The following CPXM2 variants were observed in gnomAD, a reference collection of about 807,000 sequenced individuals.
CPXM2 encodes inactive carboxypeptidase-like protein X2.
In CPXM2, 66 loss-of-function variants were observed where a neutral mutation model predicts 86.1. The ratio of observed to expected loss-of-function variants is 0.77; its 90% CI spans 0.63 to 0.94. CPXM2 has a LOEUF of 0.94. Among genes scored for constraint, CPXM2 ranks in the 40% least tolerant of loss-of-function variants. The pLI is 0.00. For synonymous variants in CPXM2, 388 were observed against 400.2 expected (o/e 0.97, Z 0.36); for missense variants, 948 against 1,026.3 (o/e 0.92, Z 1.04).
intron 13 of CPXM2, among the ~76,000 whole-genome samples, chr10:123,749,420 C>G (rs1442748367): frequency 1.3e-5 from 2 of 152,140 alleles, no homozygotes; most frequent in Non-Finnish European, 2.9e-5. Context: ...TCCCCTTATC[C>G]CTGCAAAAGC....
At chr10:123,797,427 C>G (rs959954710) in intron 6 of CPXM2, among the ~76,000 whole-genome samples, 13 of 152,140 alleles carry the variant, frequency 8.5e-5, no homozygotes, top group Non-Finnish European at 1.9e-4. Context: ...TGGCAAGGGA[C>G]TTTAGTAGCC....
chr10:123,935,048 T>C (rs980732372), intron 2 of CPXM2, among the ~76,000 whole-genome samples: 1 of 152,168 alleles, frequency 6.6e-6, no homozygotes, highest in Non-Finnish European at 1.5e-5. Flanking sequence ...AGCTCCAGCG[T>C]TGATTAGCAA....
chr10:123,754,831 T>C lies in CPXM2; in HGVS notation c.1918-69A>G, dbSNP rs552783040. ...TCTGGACACAACCGGCACAACAGAGTGGGCTGTCAACCCACCATTGGCCGG... is the reference window on the plus strand; with the variant it reads ...TCTGGACACAACCGGCACAACAGAGCGGGCTGTCAACCCACCATTGGCCGG... On this transcript the variant is annotated intron_variant, in intron 12 of 13. Coordinates refer to ENST00000241305, the MANE Select transcript of CPXM2 (RefSeq NM_198148.3). The surrounding 1 kb of genome is among the most constrained non-coding windows in gnomAD (Gnocchi z 4.0). The C allele has an allele frequency of 1.9e-5, 17 of 875,674 alleles. No homozygotes were observed. The highest frequency in any genetic ancestry group is 5.2e-5 in the Admixed American group (3 of 57,460). 54.2% of individuals were successfully genotyped at this position (875,674 alleles called of 1,614,324 possible).
intron 4 of CPXM2, among the ~76,000 whole-genome samples, chr10:123,830,556 A>T (rs1453361975): frequency 6.6e-6 from 1 of 152,178 alleles, no homozygotes; most frequent in Admixed American, 6.5e-5. Context: ...TACTCAGAGC[A>T]AAGAGTCCCA....
chr10:123,842,230 T>C (rs1159817146), intron 4 of CPXM2, 119 bp downstream of exon 4: 7 of 1,334,112 alleles, frequency 5.2e-6, no homozygotes, highest in African/African-American at 1.5e-5. Flanking sequence ...TCCAATTTTC[T>C]CCTCTTCTAC....
chr10:123,895,544 A>G (rs1290783194), upstream of CPXM2, among the ~76,000 whole-genome samples: 1 of 152,028 alleles, frequency 6.6e-6, no homozygotes, highest in East Asian at 1.9e-4. Flanking sequence ...AATTTCAATA[A>G]CTCCTTCTGC....
intron 6 of CPXM2, among the ~76,000 whole-genome samples, chr10:123,797,471 G>T (rs1847357509): frequency 6.6e-6 from 1 of 152,106 alleles, no homozygotes; most frequent in African/African-American, 2.4e-5. Context: ...TGGGCTTATG[G>T]GAAATGTTTA....
intron 2 of CPXM2, 86 bp downstream of exon 2, chr10:123,880,125 G>A (rs1590094905): frequency 2.9e-6 from 2 of 689,484 alleles, no homozygotes; most frequent in East Asian, 2.5e-5. Context: ...CTGTAGTCAG[G>A]CTGCTGCACC....
intron 1 of CPXM2, among the ~76,000 whole-genome samples, chr10:123,888,244 A>G (rs1945211697): frequency 6.6e-6 from 1 of 152,186 alleles, no homozygotes; most frequent in Non-Finnish European, 1.5e-5. Context: ...CTTTCCTTGC[A>G]CTCACCTTTA....
intron 4 of CPXM2, among the ~76,000 whole-genome samples, chr10:123,801,253 G>A (rs1847451703): frequency 6.6e-6 from 1 of 152,154 alleles, no homozygotes; most frequent in Admixed American, 6.5e-5. Flanking sequence ...TGACGGTTTT[G>A]TAAAGGGCAG....
chr10:123,878,306 T>C (rs201704516), intron 2 of CPXM2, among the ~76,000 whole-genome samples: 57,474 of 130,478 alleles, frequency 0.44, 13,319 homozygotes, highest in Non-Finnish European at 0.53. Context: ...CTTTTTTTTT[T>C]TTTTTTTTTT....
intron 2 of CPXM2, among the ~76,000 whole-genome samples, chr10:123,877,131 G>C (rs778214241): frequency 6.6e-6 from 1 of 152,188 alleles, no homozygotes; most frequent in Non-Finnish European, 1.5e-5. Flanking sequence ...GCCAGAAAAT[G>C]GGTAAAATTA....
chr10:123,750,661 C>A (rs564443028), intron 13 of CPXM2: 1 of 975,804 alleles, frequency 1.0e-6, no homozygotes, highest in Admixed American at 6.1e-5. Context: ...TTTTGCTCAC[C>A]GCAGTATTTC....
chr10:123,757,507 T>C (rs999616578), intron 11 of CPXM2, among the ~76,000 whole-genome samples, 155 bp from the exon 12 acceptor site: 2 of 152,144 alleles, frequency 1.3e-5, no homozygotes, highest in African/African-American at 4.8e-5. Flanking sequence ...AAATTTGCAT[T>C]AGAGCAAATG....
chr10:123,915,057 G>T (rs755218934), intron 2 of CPXM2, among the ~76,000 whole-genome samples: 2 of 152,086 alleles, frequency 1.3e-5, no homozygotes. Context: ...CCCCTCCCGC[G>T]GCTCCTCTGA....
chr10:123,934,040 T>A (rs1164973973), intron 2 of CPXM2, among the ~76,000 whole-genome samples: 1 of 152,174 alleles, frequency 6.6e-6, no homozygotes, highest in Non-Finnish European at 1.5e-5. Context: ...GGGCTGCTCC[T>A]GGAGCCGGGG....
intron 3 of CPXM2, among the ~76,000 whole-genome samples, chr10:123,854,226 T>A (rs960121124): frequency 1.9e-4 from 28 of 150,312 alleles, no homozygotes; most frequent in African/African-American, 6.4e-4. Flanking sequence ...ATCAGACTTT[T>A]CTGGGCCCTT....
chr10:123,908,866 A>G (rs2134268333), intron 2 of CPXM2, among the ~76,000 whole-genome samples: 1 of 152,330 alleles, frequency 6.6e-6, no homozygotes, highest in East Asian at 1.9e-4. Context: ...ATAAATCAGC[A>G]GTGTACAATC....
intron 4 of CPXM2, among the ~76,000 whole-genome samples, chr10:123,808,865 C>T (rs1034880144): frequency 1.3e-5 from 2 of 152,150 alleles, no homozygotes; most frequent in African/African-American, 4.8e-5. Flanking sequence ...GTACCTAGCA[C>T]ATCAGATGCC....
Sources: allele counts gnomAD v4.1 joint callset (sites outside exome capture counted in the v4.1 genomes callset), GRCh38; gene constraint gnomAD v4.1.1; non-coding constraint Gnocchi (gnomAD v3.1); transcripts MANE v1.5; gene names NCBI Gene and HGNC (gene_info 2026-07-23, HGNC 2026-07-21).